Variants in OAS3 observed in about 807,000 individuals in gnomAD.
OAS3 encodes the protein 2'-5'-oligoadenylate synthetase 3.
OAS3 carries 107 observed loss-of-function variants against 113.0 expected under a neutral mutation model. The observed-to-expected ratio is 0.95, with a 90% CI of 0.81 to 1.11. The LOEUF (loss-of-function observed/expected upper bound fraction) is 1.11. OAS3 is among the 50% of genes most tolerant of loss of function. The pLI, the probability that OAS3 is intolerant of heterozygous loss-of-function variation, is 0.00. For missense variants in OAS3, 1,258 were observed against 1,389.1 expected (o/e 0.91, Z 1.50); for synonymous variants, 552 against 573.6 (o/e 0.96, Z 0.54).
chr12:112,945,574 TG>T (rs1259770123), intron 3 of OAS3, among the ~76,000 whole-genome samples: 1 of 152,074 alleles, frequency 6.6e-6, no homozygotes, highest in East Asian at 1.9e-4. Context: ...TGCCTGGAGA[TG>T]GGGGAACAGG....
Position 112,970,068 on chromosome 12 carries a change from T to G in OAS3, c.*95T>G. The G allele has an allele frequency of 6.7e-6, 9 of 1,348,972 alleles. No individual in the cohort carries two copies. The highest frequency in any genetic ancestry group is 9.4e-6 in the Non-Finnish European group (9 of 957,912). The allele number at this position is 1,348,972 out of a possible 1,614,324, so 83.6% of individuals were successfully genotyped here. On this transcript the variant is annotated 3_prime_UTR_variant, in exon 16 of 16. Coordinates refer to ENST00000228928, the MANE Select transcript of OAS3 (RefSeq NM_006187.4). ...AGGGTCCCCTACCAGATGAGAGAGA[T>G]TGTGTACATGTGTGTGTGAGCACAT...
At position 112,954,134 on chromosome 12, in the gene OAS3, A is replaced by G. The variant is rs1308621484; in HGVS notation, c.1657+3159A>G. ...TTTTATGGTTTTAGGTCTAAGATGTAAGTCTTTAATCCATCTTGAATTAAT... is the reference window on the plus strand; with the variant it reads ...TTTTATGGTTTTAGGTCTAAGATGTGAGTCTTTAATCCATCTTGAATTAAT... On this transcript the variant is annotated intron_variant, in intron 7 of 15. Coordinates refer to ENST00000228928, the MANE Select transcript of OAS3 (RefSeq NM_006187.4). This position sits in a 1 kb window ranked among gnomAD's most constrained non-coding sequence, Gnocchi z 4.0. 3.3e-5 allele frequency among the ~76,000 whole-genome samples: 5 copies of G among 152,188 alleles called. No homozygotes were observed. Among genetic ancestry groups the G allele is most frequent in the African/African-American group, 9.7e-5 (4 of 41,436 alleles).
At chr12:112,958,604 G>T (rs2043855489) in intron 7 of OAS3, among the ~76,000 whole-genome samples, 1 of 152,252 alleles carries the variant, frequency 6.6e-6, no homozygotes, top group Admixed American at 6.5e-5. Context: ...GTTTGCTGGA[G>T]GTCCACTCCA....
At chr12:112,961,751 A>C (rs954196837) in intron 8 of OAS3, among the ~76,000 whole-genome samples, 3 of 151,902 alleles carry the variant, frequency 2.0e-5, no homozygotes, top group Admixed American at 6.6e-5. Context: ...CTGAAAGCAG[A>C]TCTACTCCAA....
At chr12:112,950,246 G>A (rs986448568) in intron 6 of OAS3, among the ~76,000 whole-genome samples, 9 of 152,020 alleles carry the variant, frequency 5.9e-5, no homozygotes, top group Non-Finnish European at 1.0e-4. Flanking sequence ...TCGGATATGT[G>A]TGATATCCCG....
At chr12:112,968,646 C>G (rs957733909) in intron 14 of OAS3, among the ~76,000 whole-genome samples, 3 of 152,160 alleles carry the variant, frequency 2.0e-5, no homozygotes, top group Admixed American at 6.5e-5. Context: ...TCCTGAGTAG[C>G]TGGGACCAGA....
At chr12:112,964,137 C>T (rs891713480) in intron 10 of OAS3, 98 bp from the exon 11 acceptor site, 7 of 1,218,592 alleles carry the variant, frequency 5.7e-6, no homozygotes, top group Non-Finnish European at 8.0e-6. Context: ...ACATGGGAGA[C>T]AGTGGGAGTC....
At chr12:112,942,366 T>C (rs952454570) in intron 2 of OAS3, 7 of 177,010 alleles carry the variant, frequency 4.0e-5, no homozygotes, top group South Asian at 1.4e-4. Context: ...AGTAATCTTA[T>C]AGAGTTGTCA....
intron 4 of OAS3, 49 bp downstream of exon 4, chr12:112,947,030 G>A: frequency 1.3e-6 from 2 of 1,503,284 alleles, no homozygotes; most frequent in East Asian, 2.3e-5. Flanking sequence ...GGGCCAGGGG[G>A]AGATAATTGA....
intron 7 of OAS3, among the ~76,000 whole-genome samples, chr12:112,951,548 G>A (rs1291150830): frequency 6.6e-6 from 1 of 152,052 alleles, no homozygotes; most frequent in East Asian, 1.9e-4. Context: ...ATGAATATTT[G>A]GAAGTAGCTT....
rs377759830 is a variant in OAS3 at position 112,962,202 on chromosome 12, C to T, written c.1834-450C>T. On this transcript the variant is annotated intron_variant, in intron 8 of 15. Coordinates refer to ENST00000228928, the MANE Select transcript of OAS3 (RefSeq NM_006187.4). ...TGTATTCATGCATCCCTATATTCAA[C>T]AAACATCTATCGAGCACCTGCTATT... Among the ~76,000 whole-genome samples the T allele has an allele frequency of 3.3e-5, 5 of 152,334 alleles. No homozygotes were observed. In the East Asian group the frequency reaches 7.7e-4, roughly 23 times the overall value.
At position 112,961,068 on chromosome 12, in the gene OAS3, C is replaced by A; in HGVS notation, c.1658-3C>A. On this transcript the variant is annotated splice_region_variant and splice_polypyrimidine_tract_variant and intron_variant, in intron 7 of 15. Transcript: ENST00000228928. ...ACACTCAGGGTGTTTCAAACTTCTA[C>A]AGGGCAGCTCAGTTCTGGCACCAAA... 6.2e-7 allele frequency: 1 copy of A among 1,612,678 alleles called. No homozygotes were observed. The highest frequency in any genetic ancestry group is 1.1e-5 in the South Asian group (1 of 90,660).
At position 112,970,515 on chromosome 12, in the gene OAS3, G is replaced by A. The variant is rs2043975375; in HGVS notation, c.*542G>A. On this transcript the variant is annotated 3_prime_UTR_variant, in exon 16 of 16. Coordinates refer to ENST00000228928, the MANE Select transcript of OAS3 (RefSeq NM_006187.4). ...GGTTTTAAAGAATGGCCAATTAGCT[G>A]AGAAGAATTATCTAATCAATTAGTG... 2 of 165,236 alleles carry A rather than the reference G, an allele frequency of 1.2e-5. No homozygotes were observed. Among genetic ancestry groups the A allele is most frequent in the South Asian group, 3.3e-4 (2 of 6,004 alleles). 10.2% of individuals were successfully genotyped at this position (165,236 alleles called of 1,614,324 possible). A position where few individuals can be genotyped will look rare whatever the true frequency, so the allele number is the denominator to read the frequency against.
At chr12:112,955,423 G>GT (rs2043824156) in intron 7 of OAS3, among the ~76,000 whole-genome samples, 1 of 152,190 alleles carries the variant, frequency 6.6e-6, no homozygotes, top group Non-Finnish European at 1.5e-5. Flanking sequence ...AATGCTTCCA[G>GT]TTTTTGCCCA....
rs1189008964 is a variant in OAS3 at position 112,964,416 on chromosome 12, C to T, written c.2403+8C>T. 1 of 1,608,540 alleles carries T rather than the reference C, an allele frequency of 6.2e-7. No homozygotes were observed. The highest frequency in any genetic ancestry group is 8.5e-7 in the Non-Finnish European group (1 of 1,177,412). ...GTGATCAAGGTGGTCAAGGTGAGTCCTCAGAGAGCTGTAGGCAAGCAGTGT... is the reference window on the plus strand; with the variant it reads ...GTGATCAAGGTGGTCAAGGTGAGTCTTCAGAGAGCTGTAGGCAAGCAGTGT... On this transcript the variant is annotated splice_region_variant and intron_variant, in intron 11 of 15. Coordinates refer to ENST00000228928, the MANE Select transcript of OAS3 (RefSeq NM_006187.4).
chr12:112,968,382 T>G (rs1029969158), intron 14 of OAS3, among the ~76,000 whole-genome samples: 2 of 152,222 alleles, frequency 1.3e-5, no homozygotes, highest in African/African-American at 2.4e-5. Flanking sequence ...GACCCCAAGT[T>G]AAATTTGAAT....
intron 11 of OAS3, 48 bp from the exon 12 acceptor site, chr12:112,965,696 G>A (rs1366316336): frequency 6.4e-7 from 1 of 1,558,212 alleles, no homozygotes; most frequent in Admixed American, 1.8e-5. Flanking sequence ...AGAACCGACA[G>A]GCTAAGCCAT....
At chr12:112,948,826 G>T (rs371858870) in intron 5 of OAS3, 35 bp from the exon 6 acceptor site, 8 of 1,493,580 alleles carry the variant, frequency 5.4e-6, no homozygotes, top group African/African-American at 1.4e-5. Context: ...AAACCACTGC[G>T]CCTGGCTGAG....
Position 112,938,620 on chromosome 12 carries a change from G to A in OAS3, c.90G>A (p.Arg30=). The change falls in exon 1 of 16, where the codon CGG becomes CGA. Residue 30 remains arginine, a synonymous_variant. Coordinates refer to ENST00000228928, the MANE Select transcript of OAS3 (RefSeq NM_006187.4). ...QPRKEFVEKA[R]RALGALAAAL... ...GGAAGGAGTTCGTAGAGAAGGCGCG[G>A]CGCGCTCTGGGCGCCCTGGCCGCTG... 1 of 1,609,024 alleles carries A rather than the reference G, an allele frequency of 6.2e-7. No homozygotes were observed. The highest frequency in any genetic ancestry group is 1.1e-5 in the South Asian group (1 of 90,634).
Sources: gnomAD v4.1 joint callset for allele counts (sites outside exome capture counted in the v4.1 genomes callset) on GRCh38, gnomAD v4.1.1 for gene constraint, Gnocchi (gnomAD v3.1) non-coding constraint, MANE v1.5 for transcripts, NCBI Gene and HGNC (gene_info 2026-07-23, HGNC 2026-07-21) for gene names.